The following MCF2L2 variants were observed in gnomAD, a reference collection of about 807,000 sequenced individuals.
MCF2L2 encodes MCF.2 cell line derived transforming sequence-like 2.
A neutral mutation model predicts 150.2 loss-of-function variants in MCF2L2; 102 were observed. The observed-to-expected ratio is 0.68, with a 90% CI of 0.58 to 0.80. The LOEUF is 0.80. MCF2L2 is among the 30% of genes least tolerant of loss of function. The pLI is 0.00. For synonymous variants in MCF2L2, 465 were observed against 491.3 expected (o/e 0.95, Z 0.71); for missense variants, 1,256 against 1,372.8 (o/e 0.91, Z 1.34).
chr3:183,246,933 C>T lies in MCF2L2; in HGVS notation c.1863-15916G>A, dbSNP rs189782567. On this transcript the variant is annotated intron_variant, in intron 15 of 29. Transcript: ENST00000328913. Reference sequence around the variant, plus strand: ...TTTTGTTTTTTGTTTTTAATGTGTGCGTTATCTTACTTGATCCATTAAATC... The same window carrying T: ...TTTTGTTTTTTGTTTTTAATGTGTGTGTTATCTTACTTGATCCATTAAATC... Among the ~76,000 whole-genome samples, 15 of 152,156 alleles carry T rather than the reference C, an allele frequency of 9.9e-5. No homozygotes were observed. In the East Asian group the frequency reaches 2.3e-3, roughly 23 times the overall value.
chr3:183,213,526 C>A (rs1722811573), intron 22 of MCF2L2, among the ~76,000 whole-genome samples: 1 of 151,914 alleles, frequency 6.6e-6, no homozygotes, highest in Non-Finnish European at 1.5e-5. Flanking sequence ...AGCAGAGAAA[C>A]TAAGAGGTTA....
At chr3:183,239,039 CT>C (rs1181186459) in intron 15 of MCF2L2, among the ~76,000 whole-genome samples, 6 of 148,602 alleles carry the variant, frequency 4.0e-5, no homozygotes, top group African/African-American at 1.5e-4. Flanking sequence ...GATTTACCAT[CT>C]AAAATCATCA....
chr3:183,411,844 T>C (rs1465279776), intron 1 of MCF2L2, among the ~76,000 whole-genome samples: 1 of 152,182 alleles, frequency 6.6e-6, no homozygotes, highest in Non-Finnish European at 1.5e-5. Flanking sequence ...TTCAAGATCC[T>C]TGACATCTGG....
intron 13 of MCF2L2, among the ~76,000 whole-genome samples, chr3:183,292,047 T>C (rs1057330967): frequency 6.6e-6 from 1 of 151,870 alleles, no homozygotes; most frequent in Non-Finnish European, 1.5e-5. Context: ...GGTATGTCTG[T>C]GGTATGTGTG....
intron 15 of MCF2L2, chr3:183,273,197 A>C (rs910007014): frequency 1.3e-5 from 6 of 467,070 alleles, no homozygotes; most frequent in African/African-American, 1.0e-4. Context: ...ACTTGAATAG[A>C]AGATGGTTAT....
chr3:183,277,760 C>T (rs1727243459), intron 14 of MCF2L2, among the ~76,000 whole-genome samples: 1 of 148,098 alleles, frequency 6.8e-6, no homozygotes, highest in African/African-American at 2.5e-5. Context: ...ACCTCAGCCT[C>T]CTAAAGTGGA....
At chr3:183,354,700 G>A (rs1027766435) in intron 3 of MCF2L2, among the ~76,000 whole-genome samples, 15 of 152,172 alleles carry the variant, frequency 9.9e-5, no homozygotes, top group African/African-American at 3.4e-4. Flanking sequence ...TTGTTTGCCT[G>A]TAACTCCTGT....
At chr3:183,269,230 C>CTTTTTTTTGTTTTTTTTT (rs1726470795) in intron 15 of MCF2L2, among the ~76,000 whole-genome samples, 1 of 81,030 alleles carries the variant, frequency 1.2e-5, no homozygotes, top group Non-Finnish European at 2.2e-5. Context: ...GTTTGGGAAG[C>CTTTTTTTTGTTTTTTTTT]TTTTTTTTTT....
At chr3:183,292,261 T>G (rs1728197501) in intron 13 of MCF2L2, among the ~76,000 whole-genome samples, 2 of 152,160 alleles carry the variant, frequency 1.3e-5, no homozygotes, top group South Asian at 2.1e-4. Flanking sequence ...CTGAAAGAAT[T>G]TATTGCTAAC....
chr3:183,297,246 T>C, intron 11 of MCF2L2, 79 bp from the exon 12 acceptor site: 1 of 1,240,804 alleles, frequency 8.1e-7, no homozygotes, highest in Non-Finnish European at 1.2e-6. Context: ...AGGTCTGAGC[T>C]TGTAAGGTGT....
At chr3:183,288,216 G>C (rs1727903702) in intron 14 of MCF2L2, among the ~76,000 whole-genome samples, 2 of 152,206 alleles carry the variant, frequency 1.3e-5, no homozygotes, top group African/African-American at 4.8e-5. Flanking sequence ...GAGGTTTCAA[G>C]AGGTTATGTT....
chr3:183,222,703 G>C (rs780736175), intron 20 of MCF2L2, among the ~76,000 whole-genome samples: 10 of 152,136 alleles, frequency 6.6e-5, no homozygotes, highest in Non-Finnish European at 1.2e-4. Flanking sequence ...TAATTCAACA[G>C]ACAACTTATC....
intron 2 of MCF2L2, among the ~76,000 whole-genome samples, chr3:183,387,454 A>G (rs917074650): frequency 2.6e-5 from 4 of 152,284 alleles, no homozygotes; most frequent in East Asian, 1.9e-4. Context: ...TCCTGACTCA[A>G]TGGTGGCATT....
chr3:183,327,729 A>C (rs1730109476), intron 5 of MCF2L2, among the ~76,000 whole-genome samples: 1 of 152,220 alleles, frequency 6.6e-6, no homozygotes, highest in Admixed American at 6.5e-5. Context: ...GACATATCTC[A>C]CATCTTATAC....
chr3:183,269,696 T>C, intron 15 of MCF2L2: 1 of 1,018,440 alleles, frequency 9.8e-7, no homozygotes, highest in South Asian at 1.6e-5. Context: ...GACCAACATG[T>C]ATTAAGATGG....
In MCF2L2 at chr3:183,301,670, C is replaced by T. The variant is rs376913565; in HGVS notation, c.1114-1474G>A. Among the ~76,000 whole-genome samples, 55 of 152,000 alleles carry T rather than the reference C, an allele frequency of 3.6e-4. 1 individual carries two copies. The highest frequency in any genetic ancestry group is 1.2e-3 in the African/African-American group (51 of 41,456). Reference sequence around the variant, plus strand: ...ATTAGCCAGGCATGGCAGCATGCGCCGATAGTCCCAGCTACTCTGGAAGCT... The same window carrying T: ...ATTAGCCAGGCATGGCAGCATGCGCTGATAGTCCCAGCTACTCTGGAAGCT... On this transcript the variant is annotated intron_variant, in intron 10 of 29. Transcript: ENST00000328913.
intron 1 of MCF2L2, 74 bp from the exon 2 acceptor site, chr3:183,389,853 G>A (rs143504725): frequency 3.2e-6 from 4 of 1,253,700 alleles, no homozygotes; most frequent in African/African-American, 1.5e-5. Context: ...AGAAACAAAG[G>A]CAAGTTGTAC....
At chr3:183,276,505 A>G (rs937374316) in intron 15 of MCF2L2, among the ~76,000 whole-genome samples, 1 of 152,274 alleles carries the variant, frequency 6.6e-6, no homozygotes, top group Non-Finnish European at 1.5e-5. Flanking sequence ...ACCTTTCTAC[A>G]GAGCAAAAAC....
chr3:183,388,580 C>T (rs1713961615), intron 2 of MCF2L2, among the ~76,000 whole-genome samples: 1 of 152,180 alleles, frequency 6.6e-6, no homozygotes, highest in Admixed American at 6.5e-5. Flanking sequence ...CTTTTATGTT[C>T]CAGTCTCTGA....
Sources: allele counts gnomAD v4.1 joint callset (sites outside exome capture counted in the v4.1 genomes callset), GRCh38; gene constraint gnomAD v4.1.1; transcripts MANE v1.5; gene names NCBI Gene and HGNC (gene_info 2026-07-23, HGNC 2026-07-21).